ENOX1: variants seen among roughly 807,000 people sequenced by gnomAD.
The protein encoded by ENOX1 is ecto-NOX disulfide-thiol exchanger 1.
A neutral mutation model predicts 82.5 loss-of-function variants in ENOX1; 42 were observed. The observed-to-expected ratio is 0.51, with a 90% CI of 0.40 to 0.66. The LOEUF is 0.66. Ranked by LOEUF, ENOX1 falls within the 30% of genes least tolerant of loss-of-function variation. The pLI is 0.00. For missense variants in ENOX1, 608 were observed against 811.6 expected, an observed-to-expected ratio of 0.75 and a Z score of 3.05; for synonymous variants, 271 against 282.2, an observed-to-expected ratio of 0.96 and a Z score of 0.40.
At chr13:43,587,873 A>G (rs797007856) in intron 2 of ENOX1, among the ~76,000 whole-genome samples, 10 of 152,294 alleles carry the variant, frequency 6.6e-5, no homozygotes, top group African/African-American at 1.9e-4. Flanking sequence ...ATCAGAAACA[A>G]TGATTTAGAT....
intron 2 of ENOX1, among the ~76,000 whole-genome samples, chr13:43,562,279 AGTTT>A (rs2079714274): frequency 2.0e-5 from 3 of 152,174 alleles, no homozygotes; most frequent in South Asian, 2.1e-4. Context: ...TCTCTTTATT[AGTTT>A]GTTTATGCAA....
chr13:43,648,565 G>T (rs1277202905), intron 2 of ENOX1, among the ~76,000 whole-genome samples: 1 of 152,170 alleles, frequency 6.6e-6, no homozygotes, highest in African/African-American at 2.4e-5. Context: ...GCTAAGCAAA[G>T]GTCCAAGAGA....
intron 15 of ENOX1, among the ~76,000 whole-genome samples, chr13:43,231,335 G>A (rs1393201086): frequency 6.6e-6 from 1 of 152,228 alleles, no homozygotes; most frequent in Non-Finnish European, 1.5e-5. Context: ...CAGCTGCAGA[G>A]TGATGAAGCG....
chr13:43,452,203 C>T (rs543717708), intron 3 of ENOX1, among the ~76,000 whole-genome samples: 51 of 152,186 alleles, frequency 3.4e-4, no homozygotes, highest in African/African-American at 1.2e-3. Context: ...ACACGTGCCA[C>T]GGTGGTTTGC....
chr13:43,756,972 C>CAAAAAAAAAAAAAAAAAA (rs1164153402), intron 1 of ENOX1, among the ~76,000 whole-genome samples: 2 of 28,058 alleles, frequency 7.1e-5, no homozygotes, highest in East Asian at 2.0e-3. Flanking sequence ...AAAACAACAA[C>CAAAAAAAAAAAAAAAAAA]AAAAAAAAAA....
At chr13:43,363,444 T>C (rs936071684) in intron 5 of ENOX1, among the ~76,000 whole-genome samples, 3 of 152,120 alleles carry the variant, frequency 2.0e-5, no homozygotes, top group African/African-American at 7.2e-5. Flanking sequence ...AAAATCAAGA[T>C]GGGTCCTGCC....
intron 12 of ENOX1, among the ~76,000 whole-genome samples, chr13:43,275,322 A>G (rs570392434): frequency 3.2e-4 from 48 of 152,336 alleles, no homozygotes; most frequent in Non-Finnish European, 4.4e-4. Context: ...TATAGTTAAC[A>G]GACTATGTAA....
At chr13:43,266,792 C>T (rs1053620459) in intron 13 of ENOX1, among the ~76,000 whole-genome samples, 4 of 152,292 alleles carry the variant, frequency 2.6e-5, no homozygotes, top group African/African-American at 9.6e-5. Context: ...TCATCTTCAT[C>T]AACCTCTCTG....
chr13:43,283,643 T>G (rs1325630320), intron 12 of ENOX1, among the ~76,000 whole-genome samples: 1 of 148,224 alleles, frequency 6.7e-6, no homozygotes, highest in Non-Finnish European at 1.5e-5. Context: ...ACAGATGGGG[T>G]CTCAGTATGT....
intron 14 of ENOX1, among the ~76,000 whole-genome samples, chr13:43,261,713 A>G (rs2044071418): frequency 6.7e-6 from 1 of 150,358 alleles, no homozygotes; most frequent in Non-Finnish European, 1.5e-5. Context: ...ATTGGAAATC[A>G]TCATTCTCAG....
intron 2 of ENOX1, among the ~76,000 whole-genome samples, chr13:43,495,346 G>A (rs1457136648): frequency 6.6e-6 from 1 of 152,000 alleles, no homozygotes; most frequent in African/African-American, 2.4e-5. Context: ...CCACTCAAAT[G>A]TGAAATTTCA....
At chr13:43,410,833 T>C (rs570975154) in intron 5 of ENOX1, among the ~76,000 whole-genome samples, 14 of 152,306 alleles carry the variant, frequency 9.2e-5, no homozygotes, top group African/African-American at 3.1e-4. Context: ...CTCACCTACT[T>C]TGATGGCCAA....
intron 3 of ENOX1, among the ~76,000 whole-genome samples, chr13:43,439,290 T>C (rs1467532043): frequency 2.6e-5 from 4 of 151,798 alleles, no homozygotes; most frequent in African/African-American, 4.8e-5. Flanking sequence ...TGGAGTGCAA[T>C]GGTGAGATCT....
intron 14 of ENOX1, among the ~76,000 whole-genome samples, chr13:43,240,871 G>A (rs142845436): frequency 2.6e-5 from 4 of 152,202 alleles, no homozygotes; most frequent in Admixed American, 2.0e-4. Flanking sequence ...GTGGGACAAA[G>A]AGCAGGCTTG....
At chr13:43,341,116 T>C (rs1352050071) in intron 9 of ENOX1, among the ~76,000 whole-genome samples, 1 of 151,924 alleles carries the variant, frequency 6.6e-6, no homozygotes, top group Non-Finnish European at 1.5e-5. Flanking sequence ...GCTAACATGG[T>C]GAAACCCTGT....
rs933249944 is a variant in ENOX1, at chr13:43,786,497, C to T, written c.-285+155G>A. Reference sequence around the variant, plus strand: ...CGAAGCCCCCACGCGTCCACGCACCCCTCCTCACCAGCCTCACCTCTAGCT... The same window carrying T: ...CGAAGCCCCCACGCGTCCACGCACCTCTCCTCACCAGCCTCACCTCTAGCT... On this transcript the variant is annotated intron_variant, in intron 1 of 16. Coordinates refer to ENST00000690772, the MANE Select transcript of ENOX1 (RefSeq NM_001347969.2). The surrounding 1 kb of genome is among the most constrained non-coding windows in gnomAD (Gnocchi z 6.0). Among the ~76,000 whole-genome samples the T allele has an allele frequency of 6.6e-6, 1 of 151,912 alleles. No homozygotes were observed. Among genetic ancestry groups the T allele is most frequent in the Non-Finnish European group, 1.5e-5 (1 of 67,926 alleles).
chr13:43,732,561 T>A (rs1023094870), intron 1 of ENOX1, among the ~76,000 whole-genome samples: 8 of 152,170 alleles, frequency 5.3e-5, no homozygotes, highest in Non-Finnish European at 1.2e-4. Context: ...AATTTAGAAG[T>A]GAACTAGCTT....
chr13:43,332,961 C>A (rs758607677), intron 9 of ENOX1, among the ~76,000 whole-genome samples: 1 of 152,162 alleles, frequency 6.6e-6, no homozygotes, highest in Non-Finnish European at 1.5e-5. Flanking sequence ...CCTAGCACAT[C>A]CATCCAGAAA....
intron 9 of ENOX1, among the ~76,000 whole-genome samples, chr13:43,329,980 A>G (rs2048331221): frequency 6.6e-6 from 1 of 152,232 alleles, no homozygotes; most frequent in Non-Finnish European, 1.5e-5. Context: ...GTATGCCCTA[A>G]TGAATGTCAT....
Sources: gnomAD v4.1 joint callset for allele counts (sites outside exome capture counted in the v4.1 genomes callset) on GRCh38, gnomAD v4.1.1 for gene constraint, Gnocchi (gnomAD v3.1) non-coding constraint, MANE v1.5 for transcripts, NCBI Gene and HGNC (gene_info 2026-07-23, HGNC 2026-07-21) for gene names.